The following BTRC variants were observed in gnomAD, a reference collection of about 807,000 sequenced individuals.
BTRC encodes beta-transducin repeat containing E3 ubiquitin protein ligase, also known as F-box/WD repeat-containing protein 1A.
Under a neutral mutation model 85.5 loss-of-function variants are expected in BTRC, and 42 were observed. The observed-to-expected ratio is 0.49, with a 90% CI of 0.38 to 0.64. BTRC has a LOEUF of 0.64. Among genes scored for constraint, BTRC ranks in the 30% least tolerant of loss-of-function variants. The pLI, the probability that BTRC is intolerant of heterozygous loss-of-function variation, is 0.00. For synonymous variants in BTRC, 255 were observed against 263.3 expected (o/e 0.97, Z 0.30); for missense variants, 594 against 743.5 (o/e 0.80, Z 2.34).
intron 13 of BTRC, among the ~76,000 whole-genome samples, chr10:101,544,155 C>T (rs1228960504): frequency 1.3e-5 from 2 of 152,140 alleles, no homozygotes; most frequent in East Asian, 3.9e-4. Context: ...GTGATCCGCC[C>T]GCCTCAGGTT....
chr10:101,449,984 C>CAGGA (rs1239973990), intron 2 of BTRC, among the ~76,000 whole-genome samples: 2 of 134,558 alleles, frequency 1.5e-5, no homozygotes, highest in Non-Finnish European at 3.3e-5. Flanking sequence ...GTACATTAAG[C>CAGGA]AGGATAAAAA....
chr10:101,422,759 G>A (rs1307978804), intron 1 of BTRC, among the ~76,000 whole-genome samples: 4 of 152,116 alleles, frequency 2.6e-5, no homozygotes, highest in African/African-American at 9.7e-5. Flanking sequence ...TGTCAGGTTT[G>A]TCAAAGATCA....
chr10:101,389,386 T>A (rs1943179167), intron 1 of BTRC, among the ~76,000 whole-genome samples: 1 of 152,040 alleles, frequency 6.6e-6, no homozygotes, highest in South Asian at 2.1e-4. Context: ...GTTTTCTAGC[T>A]ACTCTCCCCT....
intron 2 of BTRC, among the ~76,000 whole-genome samples, chr10:101,454,428 CT>C (rs1945024207): frequency 6.6e-6 from 1 of 152,080 alleles, no homozygotes; most frequent in Admixed American, 6.6e-5. Flanking sequence ...ATGTGTAAGA[CT>C]TGAATAGATG....
chr10:101,524,482 TA>T (rs1280347336), intron 5 of BTRC, among the ~76,000 whole-genome samples: 6 of 152,332 alleles, frequency 3.9e-5, no homozygotes, highest in Non-Finnish European at 8.8e-5. Context: ...TATGGCCATT[TA>T]AACTTATAAA....
intron 1 of BTRC, among the ~76,000 whole-genome samples, chr10:101,407,723 TTTTTC>T (rs1218016633): frequency 3.1e-5 from 4 of 127,740 alleles, no homozygotes; most frequent in Non-Finnish European, 1.5e-5. Context: ...AATTTTTTTC[TTTTTC>T]TTTTTTTTTT....
intron 3 of BTRC, among the ~76,000 whole-genome samples, chr10:101,465,736 T>G (rs552509524): frequency 6.6e-6 from 1 of 152,268 alleles, no homozygotes; most frequent in South Asian, 2.1e-4. Flanking sequence ...AGGTGGAAAT[T>G]AAGAGACACT....
chr10:101,354,127 C>T (rs372671071), upstream of BTRC: 499 of 1,544,626 alleles, frequency 3.2e-4, 2 homozygotes, highest in African/African-American at 6.3e-3. Flanking sequence ...TGGCTGCGGC[C>T]TGGCACCAAA....
In BTRC at chr10:101,505,790, T is replaced by A. The variant is rs559022607; in HGVS notation, c.325-15849T>A. Among the ~76,000 whole-genome samples, 119 of 152,278 alleles carry A rather than the reference T, an allele frequency of 7.8e-4. 2 individuals carry two copies. In the South Asian group the frequency reaches 0.024, roughly 31 times the overall value. On this transcript the variant is annotated intron_variant, in intron 4 of 14. Transcript: ENST00000370187. ...TACTGTAAATGCTATTTTTAGAAAATGAATTAAACATTCTTTGCTTGACCC... is the reference window on the plus strand; with the variant it reads ...TACTGTAAATGCTATTTTTAGAAAAAGAATTAAACATTCTTTGCTTGACCC...
At position 101,514,796 on chromosome 10, in the gene BTRC, C is replaced by T. The variant is rs559067409; in HGVS notation, c.325-6843C>T. Among the ~76,000 whole-genome samples, 3 of 152,120 alleles carry T rather than the reference C, an allele frequency of 2.0e-5. No homozygotes were observed. The South Asian group carries it at 6.2e-4, about 32-fold the overall frequency. ...GGCATCTTTCTTGAAAGTCAGTTGG[C>T]TGTATGTATTTCTGGACTCACTATT... On this transcript the variant is annotated intron_variant, in intron 4 of 14. Transcript: ENST00000370187.
At chr10:101,455,759 T>C (rs1048804155) in intron 2 of BTRC, among the ~76,000 whole-genome samples, 1 of 152,162 alleles carries the variant, frequency 6.6e-6, no homozygotes, top group Non-Finnish European at 1.5e-5. Context: ...GGCTGTCTTA[T>C]GGATGCTGTA....
At chr10:101,391,045 CT>C (rs1309497628) in intron 1 of BTRC, among the ~76,000 whole-genome samples, 1 of 152,058 alleles carries the variant, frequency 6.6e-6, no homozygotes, top group Non-Finnish European at 1.5e-5. Context: ...GCCTAAAGAA[CT>C]TTTCTTGAAA....
chr10:101,354,366 G>C (rs915841401), intron 1 of BTRC, 138 bp downstream of exon 1: 239 of 983,942 alleles, frequency 2.4e-4, no homozygotes, highest in Non-Finnish European at 3.2e-4. Flanking sequence ...GGAGGGATGG[G>C]ATGGGAGCTC....
intron 1 of BTRC, among the ~76,000 whole-genome samples, chr10:101,359,046 T>C (rs1942124700): frequency 6.6e-6 from 1 of 152,198 alleles, no homozygotes; most frequent in African/African-American, 2.4e-5. Context: ...GCATCTCTTT[T>C]TTTGAGGTTA....
chr10:101,489,695 GTTTCTATGAAA>G (rs1946079755), intron 4 of BTRC, among the ~76,000 whole-genome samples: 1 of 151,998 alleles, frequency 6.6e-6, no homozygotes, highest in Non-Finnish European at 1.5e-5. Context: ...TCTATACCAA[GTTTCTATGAAA>G]ATAAAATTGT....
At chr10:101,436,237 A>G (rs1298270996) in intron 2 of BTRC, among the ~76,000 whole-genome samples, 2 of 152,234 alleles carry the variant, frequency 1.3e-5, no homozygotes, top group African/African-American at 4.8e-5. Flanking sequence ...AATCTATAAT[A>G]TTAAATGAGA....
Position 101,430,254 on chromosome 10 carries a change from A to G in BTRC, c.49-91A>G, listed in dbSNP as rs576202068. 1,099 of 724,296 alleles carry G rather than the reference A, an allele frequency of 1.5e-3. 3 individuals carry two copies. The highest frequency in any genetic ancestry group is 2.9e-3 in the Admixed American group (100 of 34,418). The allele number at this position is 724,296 out of a possible 1,614,324, so 44.9% of individuals were successfully genotyped here. On this transcript the variant is annotated intron_variant, in intron 1 of 14. Transcript: ENST00000370187. ...TATCATAAAGGTCAGCTGCAACTGG[A>G]ATATTGCGTTCAGCCAAGCCTTAAA...
At chr10:101,502,253 T>A (rs906074031) in intron 4 of BTRC, among the ~76,000 whole-genome samples, 4 of 152,136 alleles carry the variant, frequency 2.6e-5, no homozygotes, top group South Asian at 2.1e-4. Flanking sequence ...TGGTAGAAAT[T>A]GTTCAAGTGG....
chr10:101,462,937 G>A (rs1421895597), intron 3 of BTRC, among the ~76,000 whole-genome samples: 3 of 151,636 alleles, frequency 2.0e-5, no homozygotes, highest in East Asian at 2.0e-4. Flanking sequence ...GCGTGATCTC[G>A]GCTCACTGCA....
Sources: allele counts gnomAD v4.1 joint callset (sites outside exome capture counted in the v4.1 genomes callset), GRCh38; gene constraint gnomAD v4.1.1; transcripts MANE v1.5; gene names NCBI Gene and HGNC (gene_info 2026-07-23, HGNC 2026-07-21).